SEZ6L: variants seen among roughly 807,000 people sequenced by gnomAD.
SEZ6L encodes seizure related 6 homolog like.
SEZ6L carries 37 observed loss-of-function variants against 106.2 expected under a neutral mutation model. The observed-to-expected ratio is 0.35, with a 90% CI of 0.27 to 0.46. SEZ6L has a LOEUF of 0.46. Among genes scored for constraint, SEZ6L ranks in the 20% least tolerant of loss-of-function variants. SEZ6L has a pLI of 1.00. For synonymous variants in SEZ6L, 541 were observed against 570.4 expected, an observed-to-expected ratio of 0.95 and a Z score of 0.73; for missense variants, 1,172 against 1,332.8, an observed-to-expected ratio of 0.88 and a Z score of 1.88.
At chr22:26,267,408 T>A (rs1436245963) in intron 1 of SEZ6L, among the ~76,000 whole-genome samples, 2 of 152,190 alleles carry the variant, frequency 1.3e-5, no homozygotes, top group Non-Finnish European at 2.9e-5. Context: ...ATGAGGCTGG[T>A]AATATAACCA....
chr22:26,380,363 AC>A lies in SEZ6L; in HGVS notation c.*70del. On this transcript the variant is annotated 3_prime_UTR_variant, in exon 17 of 17. Coordinates refer to ENST00000248933, the MANE Select transcript of SEZ6L (RefSeq NM_021115.5). The stretch of plus-strand genomic sequence containing the variant: ...ATCTCCTCGAGACATTCATCCAGAG[AC>A]CATGTGGCACTTGATTGAAACCCCA... 2 of 1,300,538 alleles carry A rather than the reference AC, an allele frequency of 1.5e-6. No homozygotes were observed. Among genetic ancestry groups the A allele is most frequent in the Non-Finnish European group, 2.2e-6 (2 of 900,324 alleles). 80.6% of individuals were successfully genotyped at this position (1,300,538 alleles called of 1,614,324 possible). A position where few individuals can be genotyped will look rare whatever the true frequency, so the allele number is the denominator to read the frequency against.
chr22:26,354,707 C>T (rs766620922), intron 12 of SEZ6L, among the ~76,000 whole-genome samples: 2 of 152,204 alleles, frequency 1.3e-5, no homozygotes, highest in Non-Finnish European at 2.9e-5. Context: ...ACCAATGAGA[C>T]CCAGTCTCTA....
At chr22:26,202,421 T>C (rs753685761) in intron 1 of SEZ6L, among the ~76,000 whole-genome samples, 90 of 152,132 alleles carry the variant, frequency 5.9e-4, no homozygotes, top group Non-Finnish European at 7.1e-4. Flanking sequence ...CTTCATAAAT[T>C]CATGATGGCA....
At chr22:26,300,191 A>G (rs1159105871) in intron 5 of SEZ6L, among the ~76,000 whole-genome samples, 1 of 152,088 alleles carries the variant, frequency 6.6e-6, no homozygotes, top group Non-Finnish European at 1.5e-5. Flanking sequence ...TTTAGGGTAC[A>G]TGTGCACAAC....
intron 1 of SEZ6L, among the ~76,000 whole-genome samples, chr22:26,271,517 C>T (rs1009364331): frequency 2.6e-5 from 4 of 152,150 alleles, no homozygotes; most frequent in East Asian, 1.9e-4. Context: ...ATCATGGGAG[C>T]GGATCCCCCC....
intron 16 of SEZ6L, among the ~76,000 whole-genome samples, chr22:26,379,368 C>A (rs941241239): frequency 6.6e-6 from 1 of 152,222 alleles, no homozygotes; most frequent in Non-Finnish European, 1.5e-5. Context: ...ACAGGCTTTA[C>A]CCACCCTTAA....
intron 1 of SEZ6L, among the ~76,000 whole-genome samples, chr22:26,209,466 T>TATGGATGGATGG (rs71192906): frequency 6.7e-6 from 1 of 148,536 alleles, no homozygotes; most frequent in Non-Finnish European, 1.5e-5. Context: ...AGGAAGGATA[T>TATGGATGGATGG]ATGGATGGAT....
At chr22:26,249,433 C>T (rs2079490237) in intron 1 of SEZ6L, among the ~76,000 whole-genome samples, 1 of 152,124 alleles carries the variant, frequency 6.6e-6, no homozygotes, top group Admixed American at 6.5e-5. Flanking sequence ...TCTTTCTGTG[C>T]CTGACTTATT....
At chr22:26,208,115 C>T (rs930405189) in intron 1 of SEZ6L, among the ~76,000 whole-genome samples, 3 of 151,876 alleles carry the variant, frequency 2.0e-5, no homozygotes, top group African/African-American at 7.3e-5. Context: ...CGGGGTTTCA[C>T]CGTGTTAGCC....
chr22:26,207,948 C>T (rs1396018283), intron 1 of SEZ6L, among the ~76,000 whole-genome samples: 1 of 148,456 alleles, frequency 6.7e-6, no homozygotes, highest in Non-Finnish European at 1.5e-5. Flanking sequence ...CTCGCTCTGT[C>T]GCCCAGGCTG....
chr22:26,217,928 A>G (rs540133820), intron 1 of SEZ6L, among the ~76,000 whole-genome samples: 1 of 152,374 alleles, frequency 6.6e-6, no homozygotes, highest in South Asian at 2.1e-4. Context: ...GATGTCGACA[A>G]GAAATGAACA....
At chr22:26,370,295 C>G (rs920822110) in intron 13 of SEZ6L, among the ~76,000 whole-genome samples, 72 of 151,670 alleles carry the variant, frequency 4.7e-4, no homozygotes, top group African/African-American at 1.6e-3. Flanking sequence ...TGAGGCAGGA[C>G]AATGGCGTGA....
intron 14 of SEZ6L, among the ~76,000 whole-genome samples, chr22:26,374,024 A>G (rs1383619320): frequency 6.6e-6 from 1 of 152,018 alleles, no homozygotes; most frequent in African/African-American, 2.4e-5. Context: ...GTTAAAATCT[A>G]TCCAGGATTT....
intron 9 of SEZ6L, among the ~76,000 whole-genome samples, chr22:26,329,377 A>G (rs2082412758): frequency 1.3e-5 from 2 of 152,128 alleles, no homozygotes; most frequent in African/African-American, 4.8e-5. Flanking sequence ...CTAAGGCAGG[A>G]GAATAGCTTG....
intron 9 of SEZ6L, among the ~76,000 whole-genome samples, chr22:26,322,265 T>C (rs1186428700): frequency 2.0e-5 from 3 of 152,172 alleles, no homozygotes; most frequent in Non-Finnish European, 4.4e-5. Flanking sequence ...ACAGAGAGGT[T>C]ACGTGGTTTC....
chr22:26,279,547 G>A (rs2080688971), intron 1 of SEZ6L, among the ~76,000 whole-genome samples: 1 of 152,126 alleles, frequency 6.6e-6, no homozygotes, highest in South Asian at 2.1e-4. Context: ...TGTTCATCCT[G>A]AGGAAAAAAT....
intron 1 of SEZ6L, among the ~76,000 whole-genome samples, chr22:26,248,655 A>C (rs1033020996): frequency 1.3e-5 from 2 of 152,248 alleles, no homozygotes; most frequent in South Asian, 2.1e-4. Context: ...GACCTCATGC[A>C]TCGAAGATCC....
intron 9 of SEZ6L, among the ~76,000 whole-genome samples, chr22:26,317,099 C>A (rs2082026969): frequency 6.6e-6 from 1 of 151,762 alleles, no homozygotes; most frequent in Non-Finnish European, 1.5e-5. Flanking sequence ...GTGGCTGGAG[C>A]AAAGCATGGC....
rs1182469431 is a variant in SEZ6L, at chr22:26,208,846, CTCTCTGTGTGTGTGTG to C, written c.94+39085_94+39100del. On this transcript the variant is annotated intron_variant, in intron 1 of 16. Transcript: ENST00000248933. ...CTGTTTTTTTCTACTTCTTGACTCT[CTCTCTGTGTGTGTGTG>C]TGTGTGTGTGTGTGTGTGTGTGTGT... 1.4e-3 allele frequency among the ~76,000 whole-genome samples: 171 copies of C among 118,212 alleles called. 2 individuals carry two copies. The highest frequency in any genetic ancestry group is 6.1e-3 in the African/African-American group (160 of 26,020). The allele number at this position is 118,212 out of a possible 152,430, so 77.6% of individuals were successfully genotyped here. A position where few individuals can be genotyped will look rare whatever the true frequency, so the allele number is the denominator to read the frequency against.
Sources: gnomAD v4.1 joint callset for allele counts (sites outside exome capture counted in the v4.1 genomes callset) on GRCh38, gnomAD v4.1.1 for gene constraint, MANE v1.5 for transcripts, NCBI Gene and HGNC (gene_info 2026-07-23, HGNC 2026-07-21) for gene names.